MAGI1: variants seen among roughly 807,000 people sequenced by gnomAD.
The protein encoded by MAGI1 is membrane-associated guanylate kinase, WW and PDZ domain-containing protein 1.
Under a neutral mutation model 139.9 loss-of-function variants are expected in MAGI1, and 58 were observed. That is an observed-to-expected ratio of 0.41 (90% confidence interval 0.34 to 0.52). MAGI1 has a LOEUF of 0.52. Among genes scored for constraint, MAGI1 ranks in the 20% least tolerant of loss-of-function variants. The pLI is 0.12. For missense variants in MAGI1, 1,874 were observed against 1,901.6 expected (o/e 0.99, Z 0.27); for synonymous variants, 812 against 737.9 (o/e 1.10, Z -1.63).
intron 1 of MAGI1, among the ~76,000 whole-genome samples, chr3:65,796,738 G>A (rs1284978443): frequency 1.3e-5 from 2 of 152,142 alleles, no homozygotes; most frequent in African/African-American, 2.4e-5. Context: ...ATAAGGTGCC[G>A]ATAGTAAATA....
At position 66,038,337 on chromosome 3, in the gene MAGI1, TAAAAC is replaced by T; in HGVS notation, c.-34_-30del. On this transcript the variant is annotated 5_prime_UTR_variant, in exon 1 of 23. Transcript: ENST00000402939. Reference sequence around the variant, plus strand: ...GAGTTACACCCCTCCTCCAAAAAAATAAAACGAGAGACAGGTGCCCCCCACAGCAC... The same window carrying T: ...GAGTTACACCCCTCCTCCAAAAAAATGAGAGACAGGTGCCCCCCACAGCAC... 2 of 1,516,910 alleles carry T rather than the reference TAAAAC, an allele frequency of 1.3e-6. No individual in the cohort carries two copies. The highest frequency in any genetic ancestry group is 1.8e-6 in the Non-Finnish European group (2 of 1,134,304). The allele number at this position is 1,516,910 out of a possible 1,614,324, so 94.0% of individuals were successfully genotyped here. A position where few individuals can be genotyped will look rare whatever the true frequency, so the allele number is the denominator to read the frequency against.
intron 14 of MAGI1, among the ~76,000 whole-genome samples, 169 bp from the exon 15 acceptor site, chr3:65,383,792 C>T (rs190370895): frequency 2.0e-4 from 30 of 152,234 alleles, no homozygotes; most frequent in Non-Finnish European, 1.5e-4. Context: ...ATGGAAGACA[C>T]GGGGATAAAC....
chr3:65,888,996 A>G (rs1280984147), intron 1 of MAGI1, among the ~76,000 whole-genome samples: 1 of 152,248 alleles, frequency 6.6e-6, no homozygotes, highest in East Asian at 1.9e-4. Context: ...TGTAACAAAT[A>G]TAATATTACA....
chr3:65,989,212 G>C (rs2066037477), intron 1 of MAGI1, among the ~76,000 whole-genome samples: 1 of 152,174 alleles, frequency 6.6e-6, no homozygotes, highest in Non-Finnish European at 1.5e-5. Context: ...GATTTATATA[G>C]AAATAATGTA....
At chr3:65,630,828 C>A (rs2084254708) in intron 1 of MAGI1, among the ~76,000 whole-genome samples, 1 of 152,080 alleles carries the variant, frequency 6.6e-6, no homozygotes. Context: ...TCCATGTAAC[C>A]AAAAGCCACC....
intron 1 of MAGI1, among the ~76,000 whole-genome samples, chr3:65,684,046 C>A (rs7649612): frequency 0.057 from 8,394 of 148,086 alleles, 804 homozygotes; most frequent in African/African-American, 0.2. Flanking sequence ...GGATGGCATA[C>A]AGCTATAGTC....
chr3:65,358,925 G>T (rs548172715), intron 22 of MAGI1: 2 of 787,318 alleles, frequency 2.5e-6, no homozygotes, highest in Non-Finnish European at 2.2e-6. Context: ...ACTTCAACAG[G>T]GTCAGCGTTG....
chr3:65,675,774 T>C (rs550112151), intron 1 of MAGI1, among the ~76,000 whole-genome samples: 162 of 152,300 alleles, frequency 1.1e-3, no homozygotes, highest in African/African-American at 3.7e-3. Flanking sequence ...TCTTTGATAA[T>C]AGATGGCTCT....
At position 65,356,299 on chromosome 3, in the gene MAGI1, A is replaced by C; in HGVS notation, c.*79T>G. On this transcript the variant is annotated 3_prime_UTR_variant, in exon 23 of 23. Transcript: ENST00000402939. ...CAGGTGTCAGATGCTTCATTAGGTA[A>C]GAAACTAAATAATTTCAGGTTTGTG... 7.0e-7 allele frequency: 1 copy of C among 1,425,186 alleles called. No individual in the cohort carries two copies. The allele number at this position is 1,425,186 out of a possible 1,614,324, so 88.3% of individuals were successfully genotyped here.
chr3:65,673,113 G>A (rs1019640523), intron 1 of MAGI1, among the ~76,000 whole-genome samples: 29 of 152,100 alleles, frequency 1.9e-4, no homozygotes, highest in African/African-American at 4.3e-4. Flanking sequence ...CTGGGCTTGC[G>A]AGTTTTTGTT....
chr3:65,935,991 G>T (rs1316241190), intron 1 of MAGI1, among the ~76,000 whole-genome samples: 1 of 152,134 alleles, frequency 6.6e-6, no homozygotes, highest in Non-Finnish European at 1.5e-5. Context: ...GAACTATCTG[G>T]CCAACTCACA....
intron 2 of MAGI1, among the ~76,000 whole-genome samples, chr3:65,499,183 T>C (rs972187603): frequency 1.3e-5 from 2 of 152,042 alleles, no homozygotes; most frequent in East Asian, 3.9e-4. Flanking sequence ...AAAATGTTCT[T>C]AGATATTTGT....
At chr3:65,487,852 G>C (rs1559599732) in intron 3 of MAGI1, among the ~76,000 whole-genome samples, 1 of 152,200 alleles carries the variant, frequency 6.6e-6, no homozygotes, top group Non-Finnish European at 1.5e-5. Flanking sequence ...TTGTTGAGCA[G>C]GTCCTCAACC....
intron 2 of MAGI1, among the ~76,000 whole-genome samples, chr3:65,500,240 A>G (rs1303036138): frequency 6.6e-6 from 1 of 152,158 alleles, no homozygotes; most frequent in East Asian, 1.9e-4. Flanking sequence ...TCATCACTTA[A>G]ACAGGGTCCT....
chr3:65,887,387 C>A (rs1383117383), intron 1 of MAGI1, among the ~76,000 whole-genome samples: 5 of 57,018 alleles, frequency 8.8e-5, no homozygotes, highest in Non-Finnish European at 1.3e-4. Context: ...AGACTGATAC[C>A]AGAAAAAAAA....
At chr3:65,739,361 G>A (rs780432560) in intron 1 of MAGI1, among the ~76,000 whole-genome samples, 3 of 152,168 alleles carry the variant, frequency 2.0e-5, no homozygotes, top group Non-Finnish European at 2.9e-5. Flanking sequence ...AGGAAATGTT[G>A]TACCTGGTTT....
At chr3:65,853,872 A>C (rs1239994572) in intron 1 of MAGI1, among the ~76,000 whole-genome samples, 1 of 152,186 alleles carries the variant, frequency 6.6e-6, no homozygotes, top group African/African-American at 2.4e-5. Flanking sequence ...TGGGAGGCCA[A>C]GGCTGGTGGA....
At chr3:65,696,860 G>C (rs1275546446) in intron 1 of MAGI1, among the ~76,000 whole-genome samples, 1 of 151,976 alleles carries the variant, frequency 6.6e-6, no homozygotes, top group Non-Finnish European at 1.5e-5. Context: ...ACACTTGCTA[G>C]AAATGCAAAT....
intron 1 of MAGI1, among the ~76,000 whole-genome samples, chr3:65,822,531 A>G (rs2042003814): frequency 6.6e-6 from 1 of 152,198 alleles, no homozygotes. Flanking sequence ...CTGTCTCAAA[A>G]AAGTAAAAAA....
Sources: gnomAD v4.1 joint callset for allele counts (sites outside exome capture counted in the v4.1 genomes callset) on GRCh38, gnomAD v4.1.1 for gene constraint, MANE v1.5 for transcripts, NCBI Gene and HGNC (gene_info 2026-07-23, HGNC 2026-07-21) for gene names.